NUP58: variants seen among roughly 807,000 people sequenced by gnomAD.
The protein encoded by NUP58 is nucleoporin 58, also known as nucleoporin p58/p45.
In NUP58, 17 loss-of-function variants were observed where a neutral mutation model predicts 70.1. The observed-to-expected ratio is 0.24, with a 90% CI of 0.17 to 0.36. The LOEUF is 0.36. Ranked by LOEUF, NUP58 falls within the 10% of genes least tolerant of loss-of-function variation. The pLI is 1.00. For synonymous variants in NUP58, 275 were observed against 257.6 expected (o/e 1.07, Z -0.65); for missense variants, 644 against 701.5 (o/e 0.92, Z 0.93).
downstream of NUP58, among the ~76,000 whole-genome samples, chr13:25,345,416 A>C (rs80228831): frequency 7.6e-3 from 1,160 of 152,256 alleles, 12 homozygotes; most frequent in African/African-American, 0.026. Context: ...GTAAGTACCT[A>C]GGTCTATGTG....
At chr13:25,329,005 C>T (rs981296783) in intron 12 of NUP58, among the ~76,000 whole-genome samples, 1 of 152,016 alleles carries the variant, frequency 6.6e-6, no homozygotes, top group Non-Finnish European at 1.5e-5. Flanking sequence ...TGGTAGTGCA[C>T]TTTAGACCTT....
At chr13:25,332,262 T>C (rs766766545) in intron 13 of NUP58, 9 of 985,528 alleles carry the variant, frequency 9.1e-6, no homozygotes, top group Non-Finnish European at 1.1e-5. Context: ...AGCAGATTGT[T>C]TTATTTCTTG....
chr13:25,307,301 C>T (rs2030417254), intron 1 of NUP58, among the ~76,000 whole-genome samples: 1 of 144,460 alleles, frequency 6.9e-6, no homozygotes, highest in Non-Finnish European at 1.5e-5. Flanking sequence ...TGCGACCTGC[C>T]TCCCGGGTTC....
intron 13 of NUP58, chr13:25,336,256 A>G (rs148394126): frequency 2.3e-5 from 31 of 1,366,492 alleles, no homozygotes; most frequent in African/African-American, 1.0e-4. Context: ...ATAGAACTCA[A>G]TTATCACTTT....
At chr13:25,327,394 T>C in intron 11 of NUP58, 36 bp from the exon 12 acceptor site, 3 of 1,305,192 alleles carry the variant, frequency 2.3e-6, no homozygotes, top group Non-Finnish European at 3.3e-6. Flanking sequence ...TATATATATG[T>C]ATATATTTGG....
At chr13:25,320,673 T>TA in intron 8 of NUP58, 78 bp downstream of exon 8, 1 of 1,074,184 alleles carries the variant, frequency 9.3e-7, no homozygotes, top group Non-Finnish European at 1.4e-6. Context: ...CTCTTCCTCC[T>TA]AAAATCGCAT....
At chr13:25,305,146 T>TGTTTG (rs1491541843) in intron 1 of NUP58, among the ~76,000 whole-genome samples, 22 of 41,748 alleles carry the variant, frequency 5.3e-4, no homozygotes, top group Non-Finnish European at 7.5e-4. Context: ...TTTTTTTTTT[T>TGTTTG]TTTTTTTTTT....
At chr13:25,330,993 A>G (rs1416139126) in intron 12 of NUP58, among the ~76,000 whole-genome samples, 1 of 152,158 alleles carries the variant, frequency 6.6e-6, no homozygotes, top group Non-Finnish European at 1.5e-5. Flanking sequence ...TTGAGGGGAA[A>G]GTTTCTTGAA....
At chr13:25,333,225 T>A (rs1281308067) in intron 13 of NUP58, 1 of 985,256 alleles carries the variant, frequency 1.0e-6, no homozygotes, top group African/African-American at 1.7e-5. Flanking sequence ...CATATGGAGA[T>A]GTGTGTTCAT....
intron 1 of NUP58, chr13:25,302,990 G>T (rs1403498816): frequency 2.2e-6 from 1 of 456,636 alleles, no homozygotes; most frequent in Middle Eastern, 3.3e-4. Flanking sequence ...AGATTCCCAT[G>T]TGCAAGGCTC....
At position 25,340,205 on chromosome 13, in the gene NUP58, C is replaced by A; in HGVS notation, c.*71C>A. The A allele has an allele frequency of 7.6e-7, 1 of 1,309,682 alleles. No individual in the cohort carries two copies. The highest frequency in any genetic ancestry group is 1.0e-6 in the Non-Finnish European group (1 of 994,480). 81.1% of individuals were successfully genotyped at this position (1,309,682 alleles called of 1,614,324 possible). ...CTATGAGTCTATTTTTCTAATGATG[C>A]AGTAATTAAATTGCATCCCAGGAGA... is the stretch of plus-strand genomic sequence containing the variant. On this transcript the variant is annotated 3_prime_UTR_variant, in exon 16 of 16. Transcript: ENST00000381736.
chr13:25,338,617 T>C lies in NUP58; in HGVS notation c.1535-19T>C, dbSNP rs757009909. 7 of 1,581,142 alleles carry C rather than the reference T, an allele frequency of 4.4e-6. No homozygotes were observed. Among genetic ancestry groups the C allele is most frequent in the Non-Finnish European group, 6.1e-6 (7 of 1,150,322 alleles). On this transcript the variant is annotated intron_variant, in intron 14 of 15. Coordinates refer to ENST00000381736, the MANE Select transcript of NUP58 (RefSeq NM_014089.4). ...TGTTTTATGTGCCATTGTATATTTT[T>C]CTATTACCCTTCCACTAGGATTTGG... is the stretch of plus-strand genomic sequence containing the variant.
intron 1 of NUP58, among the ~76,000 whole-genome samples, chr13:25,303,754 C>G (rs1216240567): frequency 6.6e-6 from 1 of 152,222 alleles, no homozygotes; most frequent in African/African-American, 2.4e-5. Context: ...ACCTATGTCT[C>G]TCACTGACTA....
chr13:25,305,241 T>C (rs1487932638), intron 1 of NUP58, among the ~76,000 whole-genome samples: 1 of 149,374 alleles, frequency 6.7e-6, no homozygotes, highest in Non-Finnish European at 1.5e-5. Flanking sequence ...CCTCCTGGGC[T>C]AAAGTGATCT....
intron 15 of NUP58, 80 bp downstream of exon 15, chr13:25,338,811 A>G (rs2031868640): frequency 1.6e-6 from 2 of 1,268,470 alleles, no homozygotes; most frequent in South Asian, 2.6e-5. Context: ...TGTTATTTCC[A>G]GTAACCCAAA....
chr13:25,301,917 C>G (rs1279321800), intron 1 of NUP58, 37 bp downstream of exon 1: 28 of 1,286,012 alleles, frequency 2.2e-5, no homozygotes, highest in Non-Finnish European at 3.1e-5. Context: ...GCCGGATTCA[C>G]CCCCACCCCC....
At chr13:25,316,584 T>TAGAA (rs2030942080) in intron 6 of NUP58, among the ~76,000 whole-genome samples, 1 of 152,196 alleles carries the variant, frequency 6.6e-6, no homozygotes, top group Admixed American at 6.5e-5. Flanking sequence ...ATTGACAAAT[T>TAGAA]TCTAAACAAA....
In NUP58 at chr13:25,335,683, G is replaced by A. The variant is rs1488084134; in HGVS notation, c.1436-1253G>A. ...CGAAAAGTCCAGTTTCTGTCCCAGT[G>A]TAGCAAAATGTAGTTCCTCGGTTGT... On this transcript the variant is annotated intron_variant, in intron 13 of 15. Coordinates refer to ENST00000381736, the MANE Select transcript of NUP58 (RefSeq NM_014089.4). The A allele has an allele frequency of 8.1e-6, 8 of 984,784 alleles. No individual in the cohort carries two copies. The South Asian group carries it at 3.3e-4, about 40-fold the overall frequency. 61.0% of individuals were successfully genotyped at this position (984,784 alleles called of 1,614,324 possible).
At chr13:25,324,854 T>C (rs1430771376) in intron 9 of NUP58, 135 bp from the exon 10 acceptor site, 4 of 647,092 alleles carry the variant, frequency 6.2e-6, no homozygotes, top group Non-Finnish European at 1.1e-5. Flanking sequence ...ATCCATAATA[T>C]GTTCTTATAG....
Sources: allele counts gnomAD v4.1 joint callset (sites outside exome capture counted in the v4.1 genomes callset), GRCh38; gene constraint gnomAD v4.1.1; transcripts MANE v1.5; gene names NCBI Gene and HGNC (gene_info 2026-07-23, HGNC 2026-07-21).